The following MYO1D variants were observed in gnomAD, a reference collection of about 807,000 sequenced individuals.
The protein encoded by MYO1D is myosin ID.
Under a neutral mutation model 122.0 loss-of-function variants are expected in MYO1D, and 83 were observed. That is an observed-to-expected ratio of 0.68 (90% CI 0.57 to 0.82). The LOEUF (loss-of-function observed/expected upper bound fraction) is 0.82. Among genes scored for constraint, MYO1D ranks in the 40% least tolerant of loss-of-function variants. The pLI is 0.00. For missense variants in MYO1D, 1,157 were observed against 1,269.5 expected (o/e 0.91, Z 1.35); for synonymous variants, 464 against 446.9 (o/e 1.04, Z -0.48).
intron 2 of MYO1D, among the ~76,000 whole-genome samples, chr17:32,779,123 A>G (rs938040931): frequency 6.6e-6 from 1 of 152,202 alleles, no homozygotes; most frequent in Non-Finnish European, 1.5e-5. Flanking sequence ...GATGGGGAAA[A>G]AGGAACCAAT....
chr17:32,541,998 C>G (rs925162038), intron 21 of MYO1D, among the ~76,000 whole-genome samples: 5 of 152,160 alleles, frequency 3.3e-5, no homozygotes, highest in African/African-American at 1.2e-4. Context: ...AGCTGTAGCT[C>G]TTTCCAGGAA....
chr17:32,758,628 C>A (rs535590648), intron 10 of MYO1D, among the ~76,000 whole-genome samples: 1 of 152,048 alleles, frequency 6.6e-6, no homozygotes, highest in African/African-American at 2.4e-5. Context: ...TCAACTGGTA[C>A]GTGTTAAAGC....
intron 21 of MYO1D, among the ~76,000 whole-genome samples, chr17:32,499,751 A>T (rs1401284540): frequency 6.6e-6 from 1 of 151,810 alleles, no homozygotes; most frequent in Non-Finnish European, 1.5e-5. Context: ...TTGAGCTCAG[A>T]GGTTCAAGAC....
chr17:32,684,334 T>C (rs927258547), intron 16 of MYO1D: 1 of 152,280 alleles, frequency 6.6e-6, no homozygotes, highest in Non-Finnish European at 1.5e-5. Context: ...CGCTCAGCAT[T>C]TTCTTTCCTT....
intron 21 of MYO1D, among the ~76,000 whole-genome samples, chr17:32,554,813 A>G (rs746237928): frequency 4.6e-5 from 7 of 152,222 alleles, no homozygotes; most frequent in Admixed American, 3.3e-4. Flanking sequence ...AAAACGTTCA[A>G]TTTCATTTAA....
intron 3 of MYO1D, among the ~76,000 whole-genome samples, chr17:32,776,364 G>T (rs2090172400): frequency 6.6e-6 from 1 of 152,174 alleles, no homozygotes; most frequent in African/African-American, 2.4e-5. Flanking sequence ...GTATGTGTAT[G>T]TTCACGTGTG....
chr17:32,545,455 G>A (rs1439448850), intron 21 of MYO1D, among the ~76,000 whole-genome samples: 1 of 152,044 alleles, frequency 6.6e-6, no homozygotes, highest in African/African-American at 2.4e-5. Context: ...ACCCTTTGAG[G>A]GATCAAATAT....
At chr17:32,759,797 T>C in intron 10 of MYO1D, 1 of 320,394 alleles carries the variant, frequency 3.1e-6, no homozygotes, top group Non-Finnish European at 5.7e-6. Context: ...AATTGAAGTG[T>C]AATACACAAG....
chr17:32,869,054 CAAA>C (rs5820002), intron 1 of MYO1D, among the ~76,000 whole-genome samples: 4 of 140,590 alleles, frequency 2.8e-5, no homozygotes, highest in Non-Finnish European at 3.1e-5. Context: ...ACTAAAAATA[CAAA>C]AAAAAAAAAA....
chr17:32,666,593 A>G (rs2088638095), intron 16 of MYO1D, among the ~76,000 whole-genome samples: 3 of 152,214 alleles, frequency 2.0e-5, no homozygotes, highest in East Asian at 3.8e-4. Context: ...TGCAAAAAAA[A>G]GTAGGATTCT....
intron 21 of MYO1D, among the ~76,000 whole-genome samples, chr17:32,544,264 TA>T (rs559388521): frequency 2.5e-3 from 352 of 138,720 alleles, no homozygotes; most frequent in Middle Eastern, 4.0e-3. Context: ...CCCAGCTAAT[TA>T]AAAAAAAAAA....
At chr17:32,509,390 T>G (rs16967360) in intron 21 of MYO1D, among the ~76,000 whole-genome samples, 5,691 of 152,142 alleles carry the variant, frequency 0.037, 348 homozygotes, top group African/African-American at 0.13. Flanking sequence ...ATAAAAACAT[T>G]TGGTAGGATG....
Position 32,679,526 on chromosome 17 carries a change from C to T in MYO1D, c.2122-20188G>A, listed in dbSNP as rs1403427211. 3.3e-5 allele frequency among the ~76,000 whole-genome samples: 5 copies of T among 152,116 alleles called. No homozygotes were observed. The East Asian group carries it at 9.7e-4, about 29-fold the overall frequency. On this transcript the variant is annotated intron_variant, in intron 16 of 21. Transcript: ENST00000318217. Reference sequence around the variant, plus strand: ...ATTTATTAAATAGGGAATCCTTTCCCCATTGCTTGTTTTTCTCAGGTTTGT... The same window carrying T: ...ATTTATTAAATAGGGAATCCTTTCCTCATTGCTTGTTTTTCTCAGGTTTGT...
At chr17:32,769,377 C>T (rs1033146892) in intron 6 of MYO1D, among the ~76,000 whole-genome samples, 1 of 152,144 alleles carries the variant, frequency 6.6e-6, no homozygotes, top group Non-Finnish European at 1.5e-5. Flanking sequence ...ATTGTTAAGG[C>T]AATGAACTAA....
intron 21 of MYO1D, among the ~76,000 whole-genome samples, chr17:32,559,078 C>T (rs1190403729): frequency 1.4e-4 from 22 of 152,142 alleles, no homozygotes; most frequent in Admixed American, 9.2e-4. Flanking sequence ...TATCTCAGAA[C>T]GTGTGCTTGT....
chr17:32,845,307 A>C (rs1429061521), intron 1 of MYO1D, among the ~76,000 whole-genome samples: 2 of 152,196 alleles, frequency 1.3e-5, no homozygotes, highest in Non-Finnish European at 2.9e-5. Flanking sequence ...CTATTCACTC[A>C]ATAGCCTCTA....
chr17:32,798,513 G>T (rs945741380), intron 1 of MYO1D, among the ~76,000 whole-genome samples: 5 of 152,126 alleles, frequency 3.3e-5, no homozygotes, highest in Admixed American at 1.3e-4. Context: ...CTGCTTCAAC[G>T]TTGGGAGTGT....
At chr17:32,534,516 T>C (rs1047472143) in intron 21 of MYO1D, among the ~76,000 whole-genome samples, 7 of 152,102 alleles carry the variant, frequency 4.6e-5, no homozygotes. Context: ...AGCAAGGTAA[T>C]GAGGGCACAT....
At chr17:32,521,031 A>G (rs916356752) in intron 21 of MYO1D, among the ~76,000 whole-genome samples, 10 of 152,210 alleles carry the variant, frequency 6.6e-5, no homozygotes, top group African/African-American at 1.9e-4. Context: ...ATAACACACA[A>G]TGTTTCCATT....
Sources: allele counts gnomAD v4.1 joint callset (sites outside exome capture counted in the v4.1 genomes callset), GRCh38; gene constraint gnomAD v4.1.1; transcripts MANE v1.5; gene names NCBI Gene and HGNC (gene_info 2026-07-23, HGNC 2026-07-21).